The following NUMA1 variants were observed in gnomAD, a reference collection of about 807,000 sequenced individuals.
NUMA1 encodes the protein nuclear mitotic apparatus protein 1.
NUMA1 carries 62 observed loss-of-function variants against 237.1 expected under a neutral mutation model. The observed-to-expected ratio is 0.26, with a 90% confidence interval of 0.21 to 0.32. The LOEUF (loss-of-function observed/expected upper bound fraction) is 0.32. Ranked by LOEUF, NUMA1 falls within the 10% of genes least tolerant of loss-of-function variation. NUMA1 has a pLI of 1.00. For synonymous variants in NUMA1, 1,028 were observed against 1,066.1 expected, an observed-to-expected ratio of 0.96 and a Z score of 0.70; for missense variants, 2,533 against 2,666.5, an observed-to-expected ratio of 0.95 and a Z score of 1.10.
At position 72,035,439 on chromosome 11, in the gene NUMA1, G is replaced by A. The variant is rs373598693; in HGVS notation, c.42+463C>T. Among the ~76,000 whole-genome samples the A allele has an allele frequency of 3.3e-4, 49 of 150,386 alleles. No homozygotes were observed. In the East Asian group the frequency reaches 9.7e-3, roughly 30 times the overall value. ...TTTTTAATTTTTTAGACCGAGTCTT[G>A]CTCTGTTGCCCAGGCTGGAGTGCAA... is the stretch of plus-strand genomic sequence containing the variant. On this transcript the variant is annotated intron_variant, in intron 3 of 26. Transcript: ENST00000393695.
intron 24 of NUMA1, 101 bp from the exon 25 acceptor site, chr11:72,004,442 G>C: frequency 8.0e-7 from 1 of 1,247,386 alleles, no homozygotes; most frequent in East Asian, 2.3e-5. Context: ...GTAAGTCAAC[G>C]TGCAACCTGC....
intron 2 of NUMA1, among the ~76,000 whole-genome samples, chr11:72,036,932 GTA>G (rs1298865759): frequency 6.6e-6 from 1 of 152,182 alleles, no homozygotes; most frequent in Non-Finnish European, 1.5e-5. Context: ...TGCTCAGTCT[GTA>G]ATTACTCTAG....
chr11:72,008,459 A>G lies in NUMA1; in HGVS notation c.5216+229T>C, dbSNP rs1208250319. 8 of 548,888 alleles carry G rather than the reference A, an allele frequency of 1.5e-5. No homozygotes were observed. In the Admixed American group the frequency reaches 2.4e-4, roughly 16 times the overall value. 34.0% of individuals were successfully genotyped at this position (548,888 alleles called of 1,614,324 possible). On this transcript the variant is annotated intron_variant, in intron 20 of 26. Transcript: ENST00000393695. Reference sequence around the variant, plus strand: ...TCTCGTCAACCTGGCACACACACCTATGGATGCTTTCAAGACTCAGCAGGA... The same window carrying G: ...TCTCGTCAACCTGGCACACACACCTGTGGATGCTTTCAAGACTCAGCAGGA...
At chr11:72,047,646 C>G (rs1942078780) in intron 2 of NUMA1, among the ~76,000 whole-genome samples, 1 of 152,066 alleles carries the variant, frequency 6.6e-6, no homozygotes, top group Non-Finnish European at 1.5e-5. Context: ...ATTCCCTTAC[C>G]CAAACCCTCC....
intron 3 of NUMA1, among the ~76,000 whole-genome samples, chr11:72,034,037 C>T (rs1024849453): frequency 6.6e-6 from 1 of 152,030 alleles, no homozygotes; most frequent in Non-Finnish European, 1.5e-5. Context: ...ATGGCTTGAG[C>T]CCCAAAGTTT....
intron 23 of NUMA1, 29 bp from the exon 24 acceptor site, chr11:72,004,845 ACCATAG>A (rs1188407429): frequency 6.5e-7 from 1 of 1,536,328 alleles, no homozygotes; most frequent in East Asian, 2.3e-5. Flanking sequence ...TGGTCAGTGG[ACCATAG>A]CTGTATGGAG....
chr11:72,020,026 C>A (rs991936883), intron 8 of NUMA1, among the ~76,000 whole-genome samples: 1 of 152,192 alleles, frequency 6.6e-6, no homozygotes, highest in Non-Finnish European at 1.5e-5. Flanking sequence ...TGGAATTCAT[C>A]CCCCCTGAAG....
chr11:72,042,144 A>G (rs532623956), intron 2 of NUMA1: 1 of 152,314 alleles, frequency 6.6e-6, no homozygotes, highest in Non-Finnish European at 1.5e-5. Context: ...AAAACAAAAG[A>G]TGTCTGACTC....
At chr11:72,007,674 T>G (rs889299358) in intron 20 of NUMA1, 26 of 565,100 alleles carry the variant, frequency 4.6e-5, no homozygotes, top group Non-Finnish European at 7.2e-5. Flanking sequence ...AGATGTCCCA[T>G]CCCCACCAGA....
chr11:72,057,120 T>C (rs1264806931), intron 2 of NUMA1, among the ~76,000 whole-genome samples: 3 of 149,632 alleles, frequency 2.0e-5, no homozygotes, highest in Non-Finnish European at 3.0e-5. Context: ...AAAGGAAATA[T>C]ATTCTAATCT....
In NUMA1 at chr11:72,016,509, C is replaced by A. The variant is rs1365848589; in HGVS notation, c.1141G>T (p.Glu381Ter). 1 of 1,613,866 alleles carries A rather than the reference C, an allele frequency of 6.2e-7. No individual in the cohort carries two copies. The highest frequency in any genetic ancestry group is 8.5e-7 in the Non-Finnish European group (1 of 1,180,030). ...QDKKCLEEKN[E>*]ILQGKLSQLE... is the part of the protein sequence containing the mutation. Reference sequence around the variant, plus strand: ...TGTGAAAGTTTTCCCTGAAGGATTTCGTTCTTCTCTTCAAGGCATTTCTGG... The same window carrying A: ...TGTGAAAGTTTTCCCTGAAGGATTTAGTTCTTCTCTTCAAGGCATTTCTGG... Residue 381 changes from glutamate (E) to a stop codon, truncating the protein, a stop_gained, in exon 14 of 27, where the codon GAA becomes TAA. Coordinates refer to ENST00000393695, the MANE Select transcript of NUMA1 (RefSeq NM_006185.4). LOFTEE classifies it high-confidence loss of function.
chr11:72,031,195 A>G (rs148754616), intron 3 of NUMA1, among the ~76,000 whole-genome samples: 112 of 152,152 alleles, frequency 7.4e-4, no homozygotes, highest in African/African-American at 2.6e-3. Context: ...TACCTACATA[A>G]GAGGCTGAGG....
In NUMA1 at chr11:72,005,327, T is replaced by C; in HGVS notation, c.5735A>G (p.Glu1912Gly). The C allele has an allele frequency of 6.2e-7, 1 of 1,608,350 alleles. No individual in the cohort carries two copies. The highest frequency in any genetic ancestry group is 1.1e-5 in the South Asian group (1 of 90,296). ...FYMGTCQDEP[E>G]QLDDWNRIAE... is the part of the protein sequence containing the mutation. ...AATGCGGTTCCAGTCATCCAGCTGC[T>C]CAGGCTCATCCTGGCAAGTGCCCAT... is the stretch of plus-strand genomic sequence containing the variant. The change falls in exon 23 of 27, where the codon GAG (glutamate) becomes GGG (glycine). Residue 1912 changes from glutamate (E) to glycine (G), a missense_variant. Transcript: ENST00000393695.
intron 2 of NUMA1, chr11:72,040,740 C>T (rs1041723711): frequency 6.6e-6 from 1 of 152,212 alleles, no homozygotes; most frequent in African/African-American, 2.4e-5. Flanking sequence ...CAACCCTTTG[C>T]TCTGAAAGGC....
chr11:72,029,384 G>GTCTACA, intron 3 of NUMA1, 94 bp from the exon 4 acceptor site: 2 of 676,234 alleles, frequency 3.0e-6, no homozygotes, highest in Non-Finnish European at 4.9e-6. Context: ...TACAGTTGTA[G>GTCTACA]ACTATAGGAA....
intron 4 of NUMA1, among the ~76,000 whole-genome samples, chr11:72,025,750 T>C (rs1170213393): frequency 6.6e-6 from 1 of 152,112 alleles, no homozygotes; most frequent in Non-Finnish European, 1.5e-5. Flanking sequence ...CCTCCCCCCA[T>C]ACCCCATGTG....
chr11:72,014,480 C>T lies in NUMA1; in HGVS notation c.3023G>A (p.Arg1008Gln), dbSNP rs778440543. Residue 1008 changes from arginine to glutamine, a missense_variant, in exon 15 of 27, where the codon CGG (arginine) becomes CAG (glutamine). Around this residue, in one of 3 missense-constraint regions of NUMA1, gnomAD observed 1,414 missense variants for 1,508.1 expected, o/e 0.94. Transcript: ENST00000393695. This position sits in a 1 kb window ranked among gnomAD's most constrained non-coding sequence, Gnocchi z 4.6. ...GGCACGGCCCCGCTCCTGGGTCAGC[C>T]GCGCCACCTCCCTTTCCTGCTGCCC... ...ERGQQEREVA[R>Q]LTQERGRAQA... is the part of the protein sequence containing the mutation. 103 of 1,602,384 alleles carry T rather than the reference C, an allele frequency of 6.4e-5. No homozygotes were observed. Among genetic ancestry groups the T allele is most frequent in the Non-Finnish European group, 8.1e-5 (96 of 1,179,946 alleles).
chr11:72,019,889 C>G (rs1938506566), intron 8 of NUMA1, among the ~76,000 whole-genome samples: 1 of 152,166 alleles, frequency 6.6e-6, no homozygotes, highest in Admixed American at 6.5e-5. Flanking sequence ...TCCTCTGGCT[C>G]AGAAACTGCA....
chr11:72,023,059 A>G lies in NUMA1; in HGVS notation c.291+6T>C, dbSNP rs771605121. ...CTGCCTCCCCAGTCTGGTATTCCATAGGTACCTTCGCCAGTTCCAGCTCTG... is the reference window on the plus strand; with the variant it reads ...CTGCCTCCCCAGTCTGGTATTCCATGGGTACCTTCGCCAGTTCCAGCTCTG... On this transcript the variant is annotated splice_donor_region_variant and intron_variant, in intron 6 of 26. Transcript: ENST00000393695. The G allele has an allele frequency of 2.2e-5, 36 of 1,609,802 alleles. No individual in the cohort carries two copies. The highest frequency in any genetic ancestry group is 2.7e-5 in the Non-Finnish European group (32 of 1,176,314).
Sources: allele counts gnomAD v4.1 joint callset (sites outside exome capture counted in the v4.1 genomes callset), GRCh38; gene constraint gnomAD v4.1.1; regional missense constraint gnomAD v4.1.1; non-coding constraint Gnocchi (gnomAD v3.1); transcripts MANE v1.5; gene names NCBI Gene and HGNC (gene_info 2026-07-23, HGNC 2026-07-21).